Variants in EPHA2 observed in about 807,000 individuals in gnomAD.
EPHA2 encodes the protein ephrin type-A receptor 2.
In EPHA2, 54 loss-of-function variants were observed where a neutral mutation model predicts 104.9. That is an observed-to-expected ratio of 0.51 (90% CI 0.41 to 0.65). The LOEUF is 0.65. Among genes scored for constraint, EPHA2 ranks in the 30% least tolerant of loss-of-function variants. EPHA2 has a pLI of 0.00. For missense variants in EPHA2, 1,117 were observed against 1,369.5 expected, an observed-to-expected ratio of 0.82 and a Z score of 2.91; for synonymous variants, 560 against 559.1, an observed-to-expected ratio of 1.00 and a Z score of -0.02.
intron 3 of EPHA2, among the ~76,000 whole-genome samples, chr1:16,145,777 G>A (rs147086047): frequency 3.3e-5 from 5 of 152,270 alleles, no homozygotes; most frequent in Admixed American, 2.0e-4. Context: ...GTCACTTCCC[G>A]CCCCATTTCC....
At chr1:16,132,353 C>A (rs28394876) in intron 12 of EPHA2, 25 bp downstream of exon 12, 3 of 1,614,126 alleles carry the variant, frequency 1.9e-6, no homozygotes, top group Non-Finnish European at 2.5e-6. Flanking sequence ...CAGGCATCCC[C>A]GCCCCCTACA....
At position 16,131,694 on chromosome 1, in the gene EPHA2, A is replaced by G. The variant is rs1406833898; in HGVS notation, c.2475+27T>C. The G allele has an allele frequency of 6.2e-7, 1 of 1,613,716 alleles. No individual in the cohort carries two copies. Among genetic ancestry groups the G allele is most frequent in the Admixed American group, 1.7e-5 (1 of 60,022 alleles). On this transcript the variant is annotated intron_variant, in intron 14 of 16. Coordinates refer to ENST00000358432, the MANE Select transcript of EPHA2 (RefSeq NM_004431.5). This position sits in a 1 kb window ranked among gnomAD's most constrained non-coding sequence, Gnocchi z 5.2. ...AAAGGGCTTGAGTTCAGGTCCGGAC[A>G]GGCCTGGGGAGGGCAAGGGCACCCA...
intron 5 of EPHA2, among the ~76,000 whole-genome samples, chr1:16,136,713 A>AAAAAGAAGAAGAAG (rs2024706338): frequency 9.7e-6 from 1 of 102,734 alleles, no homozygotes; most frequent in Non-Finnish European, 1.8e-5. Context: ...AAGAAGAAGA[A>AAAAAGAAGAAGAAG]AAGAAGAAGA....
rs1294347074 is a variant in EPHA2, at chr1:16,155,761, T to C, written c.85+87A>G. ...CCGGGACTGGGCGACACCAGGTAGG[T>C]TCCAAAGTTGCGCGCGTCAAGGAGC... On this transcript the variant is annotated intron_variant, in intron 1 of 16. Coordinates refer to ENST00000358432, the MANE Select transcript of EPHA2 (RefSeq NM_004431.5). 2.7e-6 allele frequency: 3 copies of C among 1,100,502 alleles called. No individual in the cohort carries two copies. In the African/African-American group the frequency reaches 5.0e-5, roughly 18 times the overall value. The allele number at this position is 1,100,502 out of a possible 1,614,324, so 68.2% of individuals were successfully genotyped here.
intron 11 of EPHA2, among the ~76,000 whole-genome samples, chr1:16,132,655 G>A (rs1470014203): frequency 1.3e-5 from 2 of 151,408 alleles, no homozygotes; most frequent in Non-Finnish European, 2.9e-5. Context: ...GGGGAGAGGT[G>A]GGTTCAGGTA....
chr1:16,136,713 A>AGAGAAGAAGAAG (rs752397568), intron 5 of EPHA2, among the ~76,000 whole-genome samples: 1 of 102,734 alleles, frequency 9.7e-6, no homozygotes, highest in Non-Finnish European at 1.8e-5. Flanking sequence ...AAGAAGAAGA[A>AGAGAAGAAGAAG]AAGAAGAAGA....
rs1276194650 is a variant in EPHA2 at position 16,133,621 on chromosome 1, G to C, written c.1739-15C>G. On this transcript the variant is annotated splice_polypyrimidine_tract_variant and intron_variant, in intron 9 of 16. Transcript: ENST00000358432. ...CTTCAGTTGTTCTGGAAGGAGAAGGGGTGGGGTCACAGGCAGCTCAGGAGG... is the reference window on the plus strand; with the variant it reads ...CTTCAGTTGTTCTGGAAGGAGAAGGCGTGGGGTCACAGGCAGCTCAGGAGG... 2 of 1,613,686 alleles carry C rather than the reference G, an allele frequency of 1.2e-6. No homozygotes were observed. Among genetic ancestry groups the C allele is most frequent in the Admixed American group, 1.7e-5 (1 of 60,018 alleles).
At chr1:16,126,227 A>G (rs1159653495) in intron 16 of EPHA2, among the ~76,000 whole-genome samples, 1 of 152,094 alleles carries the variant, frequency 6.6e-6, no homozygotes, top group South Asian at 2.1e-4. Flanking sequence ...CCGTCCCCTC[A>G]TGAAATCACT....
Position 16,125,373 on chromosome 1 carries a change from G to A in EPHA2, c.2826-53C>T. 3.1e-6 allele frequency: 3 copies of A among 983,500 alleles called. No homozygotes were observed. Among genetic ancestry groups the A allele is most frequent in the Admixed American group, 2.4e-5 (1 of 42,402 alleles). 60.9% of individuals were successfully genotyped at this position (983,500 alleles called of 1,614,324 possible). A position where few individuals can be genotyped will look rare whatever the true frequency, so the allele number is the denominator to read the frequency against. On this transcript the variant is annotated intron_variant, in intron 16 of 16. Coordinates refer to ENST00000358432, the MANE Select transcript of EPHA2 (RefSeq NM_004431.5). This position sits in a 1 kb window ranked among gnomAD's most constrained non-coding sequence, Gnocchi z 4.9. ...GTTAGGGGCTGGAGCAGGGGAGGGGGCCGGGCTGGGTGGGGACAGGACTCG... is the reference window on the plus strand; with the variant it reads ...GTTAGGGGCTGGAGCAGGGGAGGGGACCGGGCTGGGTGGGGACAGGACTCG...
rs781275961 is a variant in EPHA2, at chr1:16,152,780, T to C, written c.86-1817A>G. Among the ~76,000 whole-genome samples the C allele has an allele frequency of 9.9e-5, 15 of 152,114 alleles. 1 individual carries two copies. The highest frequency in any genetic ancestry group is 1.9e-4 in the Non-Finnish European group (13 of 68,016). On this transcript the variant is annotated intron_variant, in intron 1 of 16. Transcript: ENST00000358432. Reference sequence around the variant, plus strand: ...AACCTGGCATGGAGGGCCCTCCCTTTCCAGCCTAGGCCTGGCTCTAGAAGT... The same window carrying C: ...AACCTGGCATGGAGGGCCCTCCCTTCCCAGCCTAGGCCTGGCTCTAGAAGT...
At chr1:16,146,951 C>T (rs968092232) in intron 3 of EPHA2, among the ~76,000 whole-genome samples, 8 of 152,244 alleles carry the variant, frequency 5.3e-5, no homozygotes, top group East Asian at 1.9e-4. Flanking sequence ...GTGTGTGCAA[C>T]GCAGCCACTA....
intron 1 of EPHA2, chr1:16,155,498 G>A (rs920981697): frequency 2.6e-5 from 6 of 233,154 alleles, no homozygotes; most frequent in African/African-American, 6.8e-5. Flanking sequence ...CTGAGCCCGC[G>A]GAAAGCTGCC....
In EPHA2 at chr1:16,138,097, GC is replaced by G; in HGVS notation, c.1067del (p.Gly356AlafsTer37). ...TGACGCTGTAGACAATGTCCTCGCG[GC>G]CCCCGCTGTCCTGAGGGGGCGTCCA... ...LRWTPPQDSG[G>X]REDIVYSVTC... On this transcript the variant is annotated frameshift_variant, in exon 5 of 17. Coordinates refer to ENST00000358432, the MANE Select transcript of EPHA2 (RefSeq NM_004431.5). LOFTEE classifies it high-confidence loss of function. The G allele has an allele frequency of 1.2e-6, 2 of 1,610,296 alleles. No individual in the cohort carries two copies.
chr1:16,125,688 G>A lies in EPHA2; in HGVS notation c.2826-368C>T, dbSNP rs1376439457. ...AGATTAGAGAACTGAGGTCAGAGAGGTAAAGTGACTTGCCTGAAGTCACAC... is the reference window on the plus strand; with the variant it reads ...AGATTAGAGAACTGAGGTCAGAGAGATAAAGTGACTTGCCTGAAGTCACAC... On this transcript the variant is annotated intron_variant, in intron 16 of 16. Transcript: ENST00000358432. The surrounding 1 kb of genome is among the most constrained non-coding windows in gnomAD (Gnocchi z 4.9). Among the ~76,000 whole-genome samples, 1 of 152,192 alleles carries A rather than the reference G, an allele frequency of 6.6e-6. No individual in the cohort carries two copies. Among genetic ancestry groups the A allele is most frequent in the East Asian group, 1.9e-4 (1 of 5,202 alleles).
At chr1:16,129,244 G>A (rs866658701) in intron 16 of EPHA2, among the ~76,000 whole-genome samples, 190 bp downstream of exon 16, 1 of 151,842 alleles carries the variant, frequency 6.6e-6, no homozygotes, top group African/African-American at 2.4e-5. Context: ...GGAGAGAGCT[G>A]AGAGTGGGCA....
At chr1:16,153,919 G>A (rs1361736112) in intron 1 of EPHA2, among the ~76,000 whole-genome samples, 1 of 151,812 alleles carries the variant, frequency 6.6e-6, no homozygotes, top group Non-Finnish European at 1.5e-5. Flanking sequence ...CCCCACCTAG[G>A]CACACTTCTC....
chr1:16,153,168 G>T (rs1482565099), intron 1 of EPHA2: 55 of 984,786 alleles, frequency 5.6e-5, no homozygotes, highest in Non-Finnish European at 6.6e-5. Context: ...TCTTTGCCAT[G>T]AGTTCCACCG....
intron 8 of EPHA2, 77 bp from the exon 9 acceptor site, chr1:16,133,992 A>G: frequency 6.8e-7 from 1 of 1,477,794 alleles, no homozygotes; most frequent in Non-Finnish European, 9.2e-7. Flanking sequence ...TCCTGGCCCT[A>G]CTTTGGTCCT....
At chr1:16,126,176 C>A (rs374976982) in intron 16 of EPHA2, among the ~76,000 whole-genome samples, 2 of 152,294 alleles carry the variant, frequency 1.3e-5, no homozygotes, top group East Asian at 3.9e-4. Flanking sequence ...TTCCCACCCC[C>A]ACAGGGTACA....
Sources: allele counts gnomAD v4.1 joint callset (sites outside exome capture counted in the v4.1 genomes callset), GRCh38; gene constraint gnomAD v4.1.1; non-coding constraint Gnocchi (gnomAD v3.1); transcripts MANE v1.5; gene names NCBI Gene and HGNC (gene_info 2026-07-23, HGNC 2026-07-21).